Variants in BYSL observed in about 807,000 individuals in gnomAD.
The protein encoded by BYSL is bystin.
BYSL carries 21 observed loss-of-function variants against 45.4 expected under a neutral mutation model. The observed-to-expected ratio is 0.46, with a 90% confidence interval of 0.33 to 0.67. The LOEUF is 0.67. Among genes scored for constraint, BYSL ranks in the 30% least tolerant of loss-of-function variants. The probability of loss-of-function intolerance (pLI) is 0.02; values close to 1 mark genes in which losing one functional copy is unlikely to be tolerated. For synonymous variants in BYSL, 215 were observed against 231.3 expected, an observed-to-expected ratio of 0.93 and a Z score of 0.64; for missense variants, 522 against 578.5, an observed-to-expected ratio of 0.90 and a Z score of 1.00.
chr6:41,922,532 C>G (rs1775500177), intron 1 of BYSL, among the ~76,000 whole-genome samples: 1 of 152,208 alleles, frequency 6.6e-6, no homozygotes, highest in African/African-American at 2.4e-5. Flanking sequence ...GCCACAGTAT[C>G]CTTACTTGGG....
chr6:41,922,973 AT>A (rs1775509851), intron 1 of BYSL, among the ~76,000 whole-genome samples: 4 of 151,666 alleles, frequency 2.6e-5, no homozygotes, highest in Non-Finnish European at 5.9e-5. Context: ...CCCTCCCCAC[AT>A]CTGATCTGTA....
chr6:41,925,334 A>G (rs960770799), intron 1 of BYSL, among the ~76,000 whole-genome samples: 1 of 152,120 alleles, frequency 6.6e-6, no homozygotes, highest in African/African-American at 2.4e-5. Flanking sequence ...AGCCTTCCAA[A>G]AACAGAAGTT....
At chr6:41,918,248 A>G (rs1210115551), upstream of BYSL, among the ~76,000 whole-genome samples, 1 of 152,208 alleles carries the variant, frequency 6.6e-6, no homozygotes, top group Non-Finnish European at 1.5e-5. Flanking sequence ...TCACGCCTGT[A>G]ATCCCAGCAC....
chr6:41,930,052 G>A, intron 2 of BYSL, 80 bp from the exon 3 acceptor site: 1 of 1,558,552 alleles, frequency 6.4e-7, no homozygotes, highest in Non-Finnish European at 8.8e-7. Context: ...GGGGACTGTG[G>A]GGAGTCTGGA....
intron 6 of BYSL, 145 bp downstream of exon 6, chr6:41,931,975 T>A (rs1775647592): frequency 5.2e-6 from 4 of 772,768 alleles, no homozygotes. Context: ...GGTGTATCAT[T>A]ATCCCCCTCA....
upstream of BYSL, chr6:41,917,765 A>G: frequency 2.1e-6 from 1 of 471,308 alleles, no homozygotes; most frequent in South Asian, 1.5e-5. Context: ...ATCAAGGGAA[A>G]AGTCTCCGTT....
upstream of BYSL, among the ~76,000 whole-genome samples, chr6:41,920,455 C>G (rs1026119790): frequency 1.3e-5 from 2 of 152,188 alleles, no homozygotes; most frequent in African/African-American, 4.8e-5. Flanking sequence ...GACCCTATTT[C>G]CAACCCTGAG....
At chr6:41,921,266 C>T, upstream of BYSL, 1 of 626,540 alleles carries the variant, frequency 1.6e-6, no homozygotes, top group Non-Finnish European at 2.7e-6. Flanking sequence ...CAGACATTCC[C>T]GTTTGGCTGA....
At chr6:41,921,019 G>T (rs1462271141), upstream of BYSL, 1 of 1,613,122 alleles carries the variant, frequency 6.2e-7, no homozygotes, top group Non-Finnish European at 8.5e-7. Context: ...TCACTCCCAT[G>T]GCGTCGGGCC....
At chr6:41,925,285 C>T (rs1775547087) in intron 1 of BYSL, among the ~76,000 whole-genome samples, 1 of 152,144 alleles carries the variant, frequency 6.6e-6, no homozygotes, top group Non-Finnish European at 1.5e-5. Context: ...TAGCTCCCCA[C>T]TTGGATTATT....
upstream of BYSL, chr6:41,920,860 C>G (rs1775444885): frequency 2.0e-6 from 2 of 1,022,520 alleles, no homozygotes; most frequent in African/African-American, 1.7e-5. Context: ...GCCCGGGGAA[C>G]CCGCAGCCCG....
the BYSL span, among the ~76,000 whole-genome samples, chr6:41,914,339 G>A: frequency 6.6e-6 from 1 of 152,286 alleles, no homozygotes; most frequent in South Asian, 2.1e-4. Flanking sequence ...ATCTTCTCTG[G>A]TGCCTCTCAA....
the BYSL span, among the ~76,000 whole-genome samples, chr6:41,908,787 TAG>T: frequency 6.6e-6 from 1 of 152,140 alleles, no homozygotes; most frequent in South Asian, 2.1e-4. Flanking sequence ...CCAGCTGTGT[TAG>T]AGAGTCTCTG....
chr6:41,914,385 C>T, the BYSL span, among the ~76,000 whole-genome samples: 22,266 of 152,128 alleles, frequency 0.15, 1,710 homozygotes, highest in East Asian at 0.25. Context: ...CTGGAAAATA[C>T]AGCTTACAGG....
At chr6:41,925,847 C>T (rs1310570401) in intron 1 of BYSL, among the ~76,000 whole-genome samples, 3 of 151,832 alleles carry the variant, frequency 2.0e-5, no homozygotes, top group Non-Finnish European at 4.4e-5. Context: ...CCACCAAGCC[C>T]GGCTAATTTT....
rs1775625500 is a variant in BYSL, at chr6:41,930,726, A to T, written c.662A>T (p.Glu221Val). 2.5e-6 allele frequency: 4 copies of T among 1,614,066 alleles called. No individual in the cohort carries two copies. Among genetic ancestry groups the T allele is most frequent in the Non-Finnish European group, 3.4e-6 (4 of 1,179,976 alleles). The change falls in exon 4 of 7, where the codon GAG becomes GTG. Residue 221 changes from glutamate to valine, a missense_variant. By Grantham distance (121) the Glu-to-Val change is moderately radical. Coordinates refer to ENST00000230340, the MANE Select transcript of BYSL (RefSeq NM_004053.4). ...TGGGAGCAAATCCTCTACGTCACAG[A>T]GCCGGAGGCCTGGACTGCAGCTGCC... is the stretch of plus-strand genomic sequence containing the variant. Reference protein sequence around the residue: ...SNWEQILYVTEPEAWTAAAMY... With the variant: ...SNWEQILYVTVPEAWTAAAMY...
chr6:41,909,403 T>A, the BYSL span: 1 of 1,614,164 alleles, frequency 6.2e-7, no homozygotes, highest in African/African-American at 1.3e-5. Flanking sequence ...CCCTTGAGCT[T>A]CACCATAAGC....
chr6:41,921,397 C>CT, upstream of BYSL: 1 of 973,338 alleles, frequency 1.0e-6, no homozygotes, highest in Non-Finnish European at 1.5e-6. Context: ...CCCGGGAGCT[C>CT]TTTTAGTGGG....
Position 41,930,638 on chromosome 6 carries a change from T to C in BYSL, c.574T>C (p.Leu192=), listed in dbSNP as rs111453989. The change falls in exon 4 of 7, where the codon TTA becomes CTA. Residue 192 remains leucine, a synonymous_variant. Transcript: ENST00000230340. ...GTTTTACCTCCCTCATCCCTAGGTA[T>C]TATCTAAGTACCGCAGTGGAAAACT... ...LEVYRGVREV[L]SKYRSGKLPK... 6.2e-7 allele frequency: 1 copy of C among 1,609,404 alleles called. No homozygotes were observed. The highest frequency in any genetic ancestry group is 1.3e-5 in the African/African-American group (1 of 74,698).
Sources: allele counts gnomAD v4.1 joint callset (sites outside exome capture counted in the v4.1 genomes callset), GRCh38; gene constraint gnomAD v4.1.1; transcripts MANE v1.5; gene names NCBI Gene and HGNC (gene_info 2026-07-23, HGNC 2026-07-21).